Variants in TSHR observed in about 807,000 individuals in gnomAD.
TSHR encodes thyrotropin receptor.
A neutral mutation model predicts 64.1 loss-of-function variants in TSHR; 51 were observed. That is an observed-to-expected ratio of 0.80 (90% CI 0.64 to 1.01). The LOEUF (loss-of-function observed/expected upper bound fraction) is 1.01, where lower values mean the gene tolerates loss of function less well. Ranked by LOEUF, TSHR falls within the 50% of genes least tolerant of loss-of-function variation. The pLI is 0.00. For synonymous variants in TSHR, 361 were observed against 361.9 expected (o/e 1.00, Z 0.03); for missense variants, 877 against 942.8 (o/e 0.93, Z 0.91).
chr14:81,102,175 G>GAAA (rs78406514), intron 7 of TSHR, among the ~76,000 whole-genome samples: 1 of 117,620 alleles, frequency 8.5e-6, no homozygotes, highest in Non-Finnish European at 1.8e-5. Context: ...CCATCTCAGG[G>GAAA]AAAAAAAAAA....
intron 1 of TSHR, among the ~76,000 whole-genome samples, chr14:81,019,457 C>CTTT (rs1166193901): frequency 5.1e-5 from 6 of 118,384 alleles, no homozygotes; most frequent in Admixed American, 8.8e-5. Flanking sequence ...ATCATCAATT[C>CTTT]TTTTTTTTTT....
At chr14:81,045,457 G>T (rs1251072905) in intron 1 of TSHR, among the ~76,000 whole-genome samples, 2 of 151,968 alleles carry the variant, frequency 1.3e-5, no homozygotes, top group African/African-American at 4.8e-5. Context: ...ATAGGTAAAT[G>T]GGTGCCATGG....
intron 1 of TSHR, among the ~76,000 whole-genome samples, chr14:81,010,294 A>G (rs1201754066): frequency 6.6e-6 from 1 of 152,116 alleles, no homozygotes; most frequent in African/African-American, 2.4e-5. Context: ...TTAAATATGT[A>G]TTGACTAAGA....
At chr14:81,026,496 TAAA>T (rs1884061025) in intron 1 of TSHR, among the ~76,000 whole-genome samples, 1 of 151,668 alleles carries the variant, frequency 6.6e-6, no homozygotes, top group Non-Finnish European at 1.5e-5. Flanking sequence ...ACAAAACAAA[TAAA>T]AATCATAAAA....
intron 8 of TSHR, among the ~76,000 whole-genome samples, chr14:81,132,050 T>G (rs756816857): frequency 6.6e-6 from 1 of 152,046 alleles, no homozygotes; most frequent in Non-Finnish European, 1.5e-5. Flanking sequence ...ACAAGCTCAC[T>G]GTCTTGAATT....
chr14:80,997,581 G>T (rs895737367), intron 1 of TSHR, among the ~76,000 whole-genome samples: 1 of 152,190 alleles, frequency 6.6e-6, no homozygotes, highest in Non-Finnish European at 1.5e-5. Context: ...ACCCTAAAAT[G>T]ATCATTTAAA....
At chr14:80,996,920 T>A (rs558679927) in intron 1 of TSHR, among the ~76,000 whole-genome samples, 1 of 152,242 alleles carries the variant, frequency 6.6e-6, no homozygotes, top group African/African-American at 2.4e-5. Context: ...AAACCTAATA[T>A]GAAATCATTA....
chr14:80,975,746 C>A (rs1162872891), intron 1 of TSHR, among the ~76,000 whole-genome samples: 1 of 152,202 alleles, frequency 6.6e-6, no homozygotes, highest in South Asian at 2.1e-4. Context: ...GCTTTTGTCA[C>A]TGCTGACTGC....
At chr14:80,964,729 A>G (rs577041483) in intron 1 of TSHR, among the ~76,000 whole-genome samples, 1 of 152,180 alleles carries the variant, frequency 6.6e-6, no homozygotes, top group East Asian at 1.9e-4. Flanking sequence ...CTTTGGAATA[A>G]TTTGGCATTT....
At position 81,142,992 on chromosome 14, in the gene TSHR, A is replaced by G; in HGVS notation, c.934A>G (p.Arg312Gly). The change falls in exon 10 of 10, where the codon AGA (arginine) becomes GGA (glycine). Residue 312 changes from arginine (R) to glycine (G), a missense_variant. Arg to Gly is a moderately radical substitution (Grantham distance 125). Transcript: ENST00000298171. ...NESSMQSLRQ[R>G]KSVNALNSPL... ...GAGCAGTATGCAGAGCTTGCGCCAG[A>G]GAAAATCTGTGAATGCCTTGAATAG... 6.2e-7 allele frequency: 1 copy of G among 1,614,166 alleles called. No individual in the cohort carries two copies. Among genetic ancestry groups the G allele is most frequent in the Non-Finnish European group, 8.5e-7 (1 of 1,180,034 alleles).
chr14:81,045,156 CA>C (rs1376835886), intron 1 of TSHR, among the ~76,000 whole-genome samples: 2 of 152,210 alleles, frequency 1.3e-5, no homozygotes, highest in African/African-American at 4.8e-5. Flanking sequence ...AAGAGAAAAC[CA>C]AACACCACAT....
At chr14:81,120,991 C>CA (rs1044379114) in intron 8 of TSHR, among the ~76,000 whole-genome samples, 1 of 151,028 alleles carries the variant, frequency 6.6e-6, no homozygotes, top group Non-Finnish European at 1.5e-5. Context: ...GTAGAGACAG[C>CA]AAAAAAATAT....
chr14:80,983,894 A>G (rs1204408476), intron 1 of TSHR, among the ~76,000 whole-genome samples: 1 of 152,208 alleles, frequency 6.6e-6, no homozygotes, highest in East Asian at 1.9e-4. Flanking sequence ...CATTTTATTT[A>G]AGAAAGCGAA....
intron 8 of TSHR, among the ~76,000 whole-genome samples, chr14:81,125,329 T>A (rs570509402): frequency 6.3e-4 from 96 of 152,178 alleles, no homozygotes; most frequent in Non-Finnish European, 9.4e-4. Flanking sequence ...AATTACATAA[T>A]TCAGGCAAAA....
intron 3 of TSHR, among the ~76,000 whole-genome samples, chr14:81,086,931 G>A (rs1888327712): frequency 6.6e-6 from 1 of 152,216 alleles, no homozygotes; most frequent in South Asian, 2.1e-4. Flanking sequence ...AGCAAGTGGA[G>A]ACTAACTGCA....
At chr14:81,013,733 A>G (rs2139781864) in intron 1 of TSHR, 1 of 152,322 alleles carries the variant, frequency 6.6e-6, no homozygotes, top group Middle Eastern at 3.4e-3. Flanking sequence ...TCCATCCTCC[A>G]AAGCTCTTTC....
At chr14:81,033,342 A>C (rs1040603706) in intron 1 of TSHR, 6 of 303,508 alleles carry the variant, frequency 2.0e-5, no homozygotes, top group Non-Finnish European at 2.6e-5. Context: ...CAGTGAAGAC[A>C]GCTCCGAAAG....
intron 1 of TSHR, among the ~76,000 whole-genome samples, chr14:81,008,507 T>G (rs187167847): frequency 6.6e-6 from 1 of 152,208 alleles, no homozygotes; most frequent in Non-Finnish European, 1.5e-5. Context: ...AGGTAAAATT[T>G]ACTAGAGATT....
chr14:81,052,575 G>A (rs535338858), intron 1 of TSHR: 10 of 152,260 alleles, frequency 6.6e-5, no homozygotes, highest in African/African-American at 2.4e-4. Flanking sequence ...CTATTTCTGT[G>A]AAAAATGACA....
Sources: allele counts gnomAD v4.1 joint callset (sites outside exome capture counted in the v4.1 genomes callset), GRCh38; gene constraint gnomAD v4.1.1; transcripts MANE v1.5; gene names NCBI Gene and HGNC (gene_info 2026-07-23, HGNC 2026-07-21).